ACADL: variants seen among roughly 807,000 people sequenced by gnomAD.
The protein encoded by ACADL is long-chain specific acyl-CoA dehydrogenase, mitochondrial.
A neutral mutation model predicts 56.9 loss-of-function variants in ACADL; 60 were observed. The ratio of observed to expected loss-of-function variants is 1.05; its 90% CI spans 0.86 to 1.31. The LOEUF is 1.31. ACADL is among the 50% of genes most tolerant of loss of function. The pLI, the probability that ACADL is intolerant of heterozygous loss-of-function variation, is 0.00. For missense variants in ACADL, 484 were observed against 525.5 expected (o/e 0.92, Z 0.77); for synonymous variants, 158 against 179.7 (o/e 0.88, Z 0.97).
intron 9 of ACADL, 83 bp from the exon 10 acceptor site, chr2:210,192,973 T>G: frequency 9.8e-7 from 1 of 1,020,972 alleles, no homozygotes; most frequent in Admixed American, 1.9e-5. Context: ...AACTAATTAT[T>G]TACAATTGTT....
chr2:210,218,232 A>T, intron 2 of ACADL, 130 bp from the exon 3 acceptor site: 4 of 788,524 alleles, frequency 5.1e-6, no homozygotes, highest in Non-Finnish European at 4.0e-6. Flanking sequence ...CATTAGCCAT[A>T]TGCTTCTATT....
rs1202574617 is a variant in ACADL at position 210,197,306 on chromosome 2, C to G, written c.985-1968G>C. Reference sequence around the variant, plus strand: ...ACTCCTTCCATCTCTGTATTCTGGCCTCTAGTTCTGAACATGCTGGGTCAC... The same window carrying G: ...ACTCCTTCCATCTCTGTATTCTGGCGTCTAGTTCTGAACATGCTGGGTCAC... On this transcript the variant is annotated intron_variant, in intron 8 of 10. Coordinates refer to ENST00000233710, the MANE Select transcript of ACADL (RefSeq NM_001608.4). Among the ~76,000 whole-genome samples the G allele has an allele frequency of 2.0e-5, 3 of 152,108 alleles. No homozygotes were observed. The East Asian group carries it at 5.8e-4, about 29-fold the overall frequency.
chr2:210,205,231 G>A (rs1175047530), intron 6 of ACADL, among the ~76,000 whole-genome samples: 1 of 152,084 alleles, frequency 6.6e-6, no homozygotes. Flanking sequence ...TCACCATATT[G>A]ACCAGGCTGG....
intron 9 of ACADL, among the ~76,000 whole-genome samples, chr2:210,194,455 A>G (rs1688678272): frequency 6.6e-6 from 1 of 152,222 alleles, no homozygotes; most frequent in African/African-American, 2.4e-5. Context: ...AACCAAATCT[A>G]CTTCCAGAAT....
At chr2:210,196,002 T>G (rs1006678884) in intron 8 of ACADL, among the ~76,000 whole-genome samples, 2 of 152,178 alleles carry the variant, frequency 1.3e-5, no homozygotes, top group African/African-American at 4.8e-5. Context: ...AAATCTTATC[T>G]TGAATTGTAG....
rs1688857532 is a variant in ACADL, at chr2:210,204,809, G to C, written c.769-127C>G. 3.6e-5 allele frequency: 27 copies of C among 749,346 alleles called. No individual in the cohort carries two copies. The South Asian group carries it at 3.7e-4, about 10-fold the overall frequency. The allele number at this position is 749,346 out of a possible 1,614,324, so 46.4% of individuals were successfully genotyped here. ...ACAAATTGGAAGCCAAGTTGGAGTA[G>C]TTAATGAACATAACTAGTAAGTGGT... is the stretch of plus-strand genomic sequence containing the variant. On this transcript the variant is annotated intron_variant, in intron 6 of 10. Coordinates refer to ENST00000233710, the MANE Select transcript of ACADL (RefSeq NM_001608.4).
rs73984348 is a variant in ACADL, at chr2:210,197,575, C to T, written c.985-2237G>A. Among the ~76,000 whole-genome samples, 142 of 152,254 alleles carry T rather than the reference C, an allele frequency of 9.3e-4. 1 individual carries two copies. The highest frequency in any genetic ancestry group is 3.3e-3 in the African/African-American group (138 of 41,542). On this transcript the variant is annotated intron_variant, in intron 8 of 10. Transcript: ENST00000233710. Reference sequence around the variant, plus strand: ...CCATGAAAATCCCTGAAGATGGTTTCTAAGCCTACTCCTAGTTTAGTTCAA... The same window carrying T: ...CCATGAAAATCCCTGAAGATGGTTTTTAAGCCTACTCCTAGTTTAGTTCAA...
intron 8 of ACADL, among the ~76,000 whole-genome samples, chr2:210,197,648 A>T (rs1038330201): frequency 6.6e-6 from 1 of 152,204 alleles, no homozygotes; most frequent in Non-Finnish European, 1.5e-5. Context: ...TGGATCCAAC[A>T]AGTCTCAAGA....
chr2:210,220,571 C>T, intron 2 of ACADL, 76 bp downstream of exon 2: 3 of 1,348,924 alleles, frequency 2.2e-6, no homozygotes, highest in South Asian at 1.2e-5. Flanking sequence ...TTCTGTATAG[C>T]AATATATGGC....
At chr2:210,215,438 T>A (rs1335649219) in intron 4 of ACADL, among the ~76,000 whole-genome samples, 1 of 152,192 alleles carries the variant, frequency 6.6e-6, no homozygotes, top group Non-Finnish European at 1.5e-5. Context: ...CTGACTTCTC[T>A]TCCTACTCAT....
At chr2:210,202,217 C>T (rs896740114) in intron 8 of ACADL, among the ~76,000 whole-genome samples, 4 of 151,998 alleles carry the variant, frequency 2.6e-5, no homozygotes, top group Non-Finnish European at 2.9e-5. Context: ...CTCAGCCTCC[C>T]GAGTAGCTGG....
chr2:210,220,898 G>T lies in ACADL; in HGVS notation c.78-96C>A, dbSNP rs538953251. The T allele has an allele frequency of 2.7e-5, 28 of 1,034,870 alleles. No individual in the cohort carries two copies. The Middle Eastern group carries it at 1.6e-3, about 57-fold the overall frequency. The allele number at this position is 1,034,870 out of a possible 1,614,324, so 64.1% of individuals were successfully genotyped here. The stretch of plus-strand genomic sequence containing the variant: ...GAACAACATGGATTTCTTTCACAGA[G>T]AAACTTGAGAGGCAAGTAGAAAGAG... On this transcript the variant is annotated intron_variant, in intron 1 of 10. Coordinates refer to ENST00000233710, the MANE Select transcript of ACADL (RefSeq NM_001608.4).
intron 8 of ACADL, among the ~76,000 whole-genome samples, chr2:210,199,541 C>T (rs1303868407): frequency 6.6e-6 from 1 of 151,680 alleles, no homozygotes; most frequent in Non-Finnish European, 1.5e-5. Context: ...TTCCTATTTC[C>T]TTCATGGTTA....
chr2:210,201,289 A>G (rs968419815), intron 8 of ACADL, among the ~76,000 whole-genome samples: 46 of 152,034 alleles, frequency 3.0e-4, no homozygotes, highest in African/African-American at 1.1e-3. Flanking sequence ...TCAATCTACA[A>G]TGTGTCTGCG....
rs772464127 is a variant in ACADL, at chr2:210,218,814, A to C, written c.234-712T>G. Among the ~76,000 whole-genome samples the C allele has an allele frequency of 3.3e-5, 5 of 152,316 alleles. No homozygotes were observed. The Middle Eastern group carries it at 0.01, about 311-fold the overall frequency. On this transcript the variant is annotated intron_variant, in intron 2 of 10. Coordinates refer to ENST00000233710, the MANE Select transcript of ACADL (RefSeq NM_001608.4). ...GCTGAACTTATGGTACAAGCATACAAAAGCTGACAAAGTAGGGAACCTCAT... is the reference window on the plus strand; with the variant it reads ...GCTGAACTTATGGTACAAGCATACACAAGCTGACAAAGTAGGGAACCTCAT...
intron 2 of ACADL, 131 bp from the exon 3 acceptor site, chr2:210,218,233 T>C: frequency 1.2e-6 from 1 of 850,844 alleles, no homozygotes; most frequent in Non-Finnish European, 1.9e-6. Context: ...ATTAGCCATA[T>C]GCTTCTATTT....
rs867867861 is a variant in ACADL, at chr2:210,192,799, C to T, written c.1199+5G>A. Reference sequence around the variant, plus strand: ...AAGAAGAGTGTATCAGAAAACTATACTTACTTTGCAATTGGGTACTCCCAC... The same window carrying T: ...AAGAAGAGTGTATCAGAAAACTATATTTACTTTGCAATTGGGTACTCCCAC... On this transcript the variant is annotated splice_donor_5th_base_variant and intron_variant, in intron 10 of 10. Transcript: ENST00000233710. The T allele has an allele frequency of 3.1e-6, 5 of 1,607,038 alleles. No individual in the cohort carries two copies. Among genetic ancestry groups the T allele is most frequent in the Middle Eastern group, 3.3e-4 (2 of 6,078 alleles).
At chr2:210,197,606 C>A (rs1472700739) in intron 8 of ACADL, among the ~76,000 whole-genome samples, 1 of 152,134 alleles carries the variant, frequency 6.6e-6, no homozygotes, top group Non-Finnish European at 1.5e-5. Flanking sequence ...TTCAATGACA[C>A]TATGTATGAC....
intron 7 of ACADL, 66 bp downstream of exon 7, chr2:210,204,515 G>GTTA: frequency 1.1e-5 from 13 of 1,191,634 alleles, no homozygotes; most frequent in Non-Finnish European, 1.4e-5. Flanking sequence ...GAAATAACAT[G>GTTA]TTTCTATATT....
Sources: gnomAD v4.1 joint callset for allele counts (sites outside exome capture counted in the v4.1 genomes callset) on GRCh38, gnomAD v4.1.1 for gene constraint, MANE v1.5 for transcripts, NCBI Gene and HGNC (gene_info 2026-07-23, HGNC 2026-07-21) for gene names.